Variants in KCNT1 observed in about 807,000 individuals in gnomAD.
KCNT1 encodes the protein potassium channel subfamily T member 1.
In KCNT1, 78 loss-of-function variants were observed where a neutral mutation model predicts 147.8. The observed-to-expected ratio is 0.53, with a 90% CI of 0.44 to 0.64. KCNT1 has a LOEUF of 0.64. Among genes scored for constraint, KCNT1 ranks in the 30% least tolerant of loss-of-function variants. The pLI, the probability that KCNT1 is intolerant of heterozygous loss-of-function variation, is 0.00. For missense variants in KCNT1, 1,419 were observed against 1,750.3 expected, an observed-to-expected ratio of 0.81 and a Z score of 3.38; for synonymous variants, 867 against 748.8, an observed-to-expected ratio of 1.16 and a Z score of -2.58.
chr9:135,720,369 G>A (rs1414275460), intron 2 of KCNT1, among the ~76,000 whole-genome samples: 2 of 144,116 alleles, frequency 1.4e-5, no homozygotes, highest in African/African-American at 5.2e-5. Context: ...ATCCTTAATA[G>A]CTGAACAATT....
At position 135,784,126 on chromosome 9, in the gene KCNT1, G is replaced by C. The variant is rs1833833144; in HGVS notation, c.2943+1G>C. The C allele has an allele frequency of 6.2e-7, 1 of 1,602,986 alleles. No homozygotes were observed. The highest frequency in any genetic ancestry group is 8.5e-7 in the Non-Finnish European group (1 of 1,179,486). On this transcript the variant is annotated splice_donor_variant, in intron 25 of 30. Coordinates refer to ENST00000371757, the MANE Select transcript of KCNT1 (RefSeq NM_020822.3). LOFTEE classifies it high-confidence loss of function. The stretch of plus-strand genomic sequence containing the variant: ...CATGTTGGACACACTGCTCTACCAG[G>C]TCAGCGGGGAAGCGGCAGCAGGAGG...
At chr9:135,757,426 C>T (rs750236897) in intron 9 of KCNT1, 45 bp downstream of exon 9, 1 of 1,545,510 alleles carries the variant, frequency 6.5e-7, no homozygotes, top group Non-Finnish European at 8.8e-7. Context: ...GGGGGCCACC[C>T]TCAGCCTCAC....
At chr9:135,777,567 A>G (rs1238232638) in intron 21 of KCNT1, 57 bp downstream of exon 21, 2 of 1,330,548 alleles carry the variant, frequency 1.5e-6, no homozygotes, top group Non-Finnish European at 2.0e-6. Context: ...ACCTGCAGCC[A>G]GCAGCCTCCC....
chr9:135,758,521 C>A lies in KCNT1; in HGVS notation c.854+13C>A. 1 of 1,608,914 alleles carries A rather than the reference C, an allele frequency of 6.2e-7. No homozygotes were observed. ...TCGTTTTCACGGGGTGAGTGCCGGC[C>A]GTCAGTGTGAGCACCCCAGGACGTT... On this transcript the variant is annotated intron_variant, in intron 10 of 30. Coordinates refer to ENST00000371757, the MANE Select transcript of KCNT1 (RefSeq NM_020822.3).
Position 135,772,837 on chromosome 9 carries a change from G to C in KCNT1, c.2131G>C (p.Ala711Pro). Residue 711 changes from alanine (A) to proline (P), a missense_variant, in exon 19 of 31, where the codon GCG (alanine) becomes CCG (proline). By Grantham distance (27) the Ala-to-Pro change is conservative (BLOSUM62 -1). Transcript: ENST00000371757. ...NGSGSRRPSI[A>P]PVLELADSSA... ...CTCGGGCAGCCGGCGGCCCAGCATC[G>C]CGCCCGTCCTGGAACTGGCCGACAG... is the stretch of plus-strand genomic sequence containing the variant. 1 of 1,537,888 alleles carries C rather than the reference G, an allele frequency of 6.5e-7. No individual in the cohort carries two copies. The highest frequency in any genetic ancestry group is 8.8e-7 in the Non-Finnish European group (1 of 1,141,138).
At chr9:135,757,632 CAGG>C (rs1205024243) in intron 9 of KCNT1, among the ~76,000 whole-genome samples, 2 of 152,182 alleles carry the variant, frequency 1.3e-5, no homozygotes, top group Non-Finnish European at 2.9e-5. Context: ...AAATGGCTGG[CAGG>C]AGGAGGAGGG....
At chr9:135,756,968 T>TCCCCCCC in intron 7 of KCNT1, 36 bp downstream of exon 7, 1 of 852,572 alleles carries the variant, frequency 1.2e-6, no homozygotes, top group Non-Finnish European at 1.6e-6. Context: ...TCACAGGGGG[T>TCCCCCCC]CCCCACCCTC....
intron 2 of KCNT1, among the ~76,000 whole-genome samples, chr9:135,719,747 T>G (rs1329676818): frequency 1.3e-5 from 2 of 152,060 alleles, no homozygotes; most frequent in African/African-American, 2.4e-5. Flanking sequence ...CTGCCTTGGC[T>G]CCTTGGGCCA....
At chr9:135,774,333 GTGT>G (rs1349087675) in intron 19 of KCNT1, among the ~76,000 whole-genome samples, 4 of 149,252 alleles carry the variant, frequency 2.7e-5, no homozygotes, top group Non-Finnish European at 6.0e-5. Flanking sequence ...GTGTCTGGGT[GTGT>G]TGTGTGTCCG....
rs1336249084 is a variant in KCNT1, at chr9:135,703,945, A to G, written c.110+1577A>G. Among the ~76,000 whole-genome samples the G allele has an allele frequency of 3.9e-5, 6 of 152,332 alleles. No individual in the cohort carries two copies. In the East Asian group the frequency reaches 9.6e-4, roughly 24 times the overall value. ...CAACAGAGATTCCCTGTCACACTGC[A>G]GGCAGAGCAGCCGCCGGCAGTGGAG... On this transcript the variant is annotated intron_variant, in intron 1 of 30. Coordinates refer to ENST00000371757, the MANE Select transcript of KCNT1 (RefSeq NM_020822.3).
chr9:135,770,214 A>AG (rs1413378773), intron 16 of KCNT1, 84 bp from the exon 17 acceptor site: 23 of 1,493,950 alleles, frequency 1.5e-5, no homozygotes, highest in Non-Finnish European at 2.1e-5. Context: ...GGGGAAGCAG[A>AG]GGGGGGCACC....
intron 29 of KCNT1, chr9:135,789,145 G>A (rs567053826): frequency 1.3e-5 from 2 of 150,764 alleles, no homozygotes; most frequent in South Asian, 4.1e-4. Context: ...CTTCATGAGT[G>A]GGATGCCTGC....
intron 2 of KCNT1, among the ~76,000 whole-genome samples, chr9:135,738,419 G>A (rs1830425751): frequency 6.6e-6 from 1 of 152,208 alleles, no homozygotes; most frequent in Admixed American, 6.5e-5. Flanking sequence ...AGAGGACTTG[G>A]TAGGTTTGTT....
intron 1 of KCNT1, among the ~76,000 whole-genome samples, chr9:135,708,214 C>G (rs1306649668): frequency 1.3e-5 from 2 of 152,170 alleles, no homozygotes; most frequent in Non-Finnish European, 2.9e-5. Context: ...GCACACAGAT[C>G]CATGTGCATG....
chr9:135,795,191 TG>T lies in KCNT1; in HGVS notation c.*3033del, dbSNP rs1834736850. 1 of 151,970 alleles carries T rather than the reference TG, an allele frequency of 6.6e-6. No homozygotes were observed. 9.4% of individuals were successfully genotyped at this position (151,970 alleles called of 1,614,324 possible). A position where few individuals can be genotyped will look rare whatever the true frequency, so the allele number is the denominator to read the frequency against. ...TCTCACACCTGTAATCCCAGCACTT[TG>T]GGAGGCCAAGGCAGGTGGACTGCTT... On this transcript the variant is annotated 3_prime_UTR_variant, in exon 31 of 31. Coordinates refer to ENST00000371757, the MANE Select transcript of KCNT1 (RefSeq NM_020822.3).
At chr9:135,751,133 G>A (rs1048285523) in intron 4 of KCNT1, 92 bp downstream of exon 4, 15 of 1,231,450 alleles carry the variant, frequency 1.2e-5, no homozygotes, top group Non-Finnish European at 1.8e-5. Flanking sequence ...CGTCCCTGGG[G>A]GAGCCCCTGT....
chr9:135,741,227 G>A (rs1830553031), intron 2 of KCNT1, among the ~76,000 whole-genome samples: 1 of 152,222 alleles, frequency 6.6e-6, no homozygotes, highest in Admixed American at 6.5e-5. Context: ...GCGCAGCTCA[G>A]TAGACACTCA....
chr9:135,763,810 T>C (rs1832074181), intron 11 of KCNT1, among the ~76,000 whole-genome samples: 1 of 152,158 alleles, frequency 6.6e-6, no homozygotes, highest in South Asian at 2.1e-4. Context: ...ACTACGGAGC[T>C]GCCGTCATTA....
rs1564326535 is a variant in KCNT1 at position 135,730,204 on chromosome 9, GACA to G, written c.254+15489_254+15491del. Among the ~76,000 whole-genome samples the G allele has an allele frequency of 1.3e-5, 2 of 152,234 alleles. No homozygotes were observed. The highest frequency in any genetic ancestry group is 1.9e-4 in the East Asian group (1 of 5,180). On this transcript the variant is annotated intron_variant, in intron 2 of 30. Coordinates refer to ENST00000371757, the MANE Select transcript of KCNT1 (RefSeq NM_020822.3). The surrounding 1 kb of genome is among the most constrained non-coding windows in gnomAD (Gnocchi z 4.7). ...GTGTTGAATTGCAGCCTCTAGTGGC[GACA>G]ACAAGGAAAGGGGTTCCCTGGACTC...
Sources: gnomAD v4.1 joint callset for allele counts (sites outside exome capture counted in the v4.1 genomes callset) on GRCh38, gnomAD v4.1.1 for gene constraint, Gnocchi (gnomAD v3.1) non-coding constraint, MANE v1.5 for transcripts, NCBI Gene and HGNC (gene_info 2026-07-23, HGNC 2026-07-21) for gene names.